Variants in ZFAND3 observed in about 807,000 individuals in gnomAD.
ZFAND3 encodes the protein zinc finger AN1-type containing 3, also known as AN1-type zinc finger protein 3.
Under a neutral mutation model 29.6 loss-of-function variants are expected in ZFAND3, and 10 were observed. The ratio of observed to expected loss-of-function variants is 0.34; its 90% CI spans 0.21 to 0.57. The LOEUF (loss-of-function observed/expected upper bound fraction) is 0.57. ZFAND3 is among the 20% of genes least tolerant of loss of function. ZFAND3 has a pLI of 0.86. For missense variants in ZFAND3, 230 were observed against 304.5 expected, an observed-to-expected ratio of 0.76 and a Z score of 1.82; for synonymous variants, 128 against 112.6, an observed-to-expected ratio of 1.14 and a Z score of -0.87.
At chr6:37,945,275 C>T (rs1187642857) in intron 2 of ZFAND3, among the ~76,000 whole-genome samples, 1 of 152,204 alleles carries the variant, frequency 6.6e-6, no homozygotes, top group Admixed American at 6.5e-5. Flanking sequence ...TTCTTTTCCC[C>T]TTCAACCACC....
At position 37,819,950 on chromosome 6, in the gene ZFAND3, G is replaced by A; in HGVS notation, c.5G>A (p.Gly2Glu). Residue 2 changes from glycine (G) to glutamate (E), a missense_variant, in exon 1 of 6, where the codon GGA (glycine) becomes GAA (glutamate). Transcript: ENST00000287218. ...GCTCCGCCGCCGCCGAGCACCATGG[G>A]AGACGCTGGGAGCGAGCGCAGCAAA... M[G>E]DAGSERSKAP... is the part of the protein sequence containing the mutation. 8.2e-7 allele frequency: 1 copy of A among 1,215,302 alleles called. No individual in the cohort carries two copies. Among genetic ancestry groups the A allele is most frequent in the Non-Finnish European group, 1.0e-6 (1 of 977,362 alleles). The allele number at this position is 1,215,302 out of a possible 1,614,324, so 75.3% of individuals were successfully genotyped here.
Position 38,154,287 on chromosome 6 carries a change from C to G in ZFAND3, c.*1898C>G, listed in dbSNP as rs569284281. On this transcript the variant is annotated 3_prime_UTR_variant, in exon 6 of 6. Coordinates refer to ENST00000287218, the MANE Select transcript of ZFAND3 (RefSeq NM_021943.3). ...CCAGGGCCCCCCGCCCCCTCCTCTGCCTGCTGCGTGGAGGCAGCCATGGGA... is the reference window on the plus strand; with the variant it reads ...CCAGGGCCCCCCGCCCCCTCCTCTGGCTGCTGCGTGGAGGCAGCCATGGGA... 1 of 985,340 alleles carries G rather than the reference C, an allele frequency of 1.0e-6. No individual in the cohort carries two copies. Among genetic ancestry groups the G allele is most frequent in the South Asian group, 4.7e-5 (1 of 21,294 alleles). The allele number at this position is 985,340 out of a possible 1,614,324, so 61.0% of individuals were successfully genotyped here. A position where few individuals can be genotyped will look rare whatever the true frequency, so the allele number is the denominator to read the frequency against.
At chr6:38,053,007 C>G (rs1191015903) in intron 2 of ZFAND3, among the ~76,000 whole-genome samples, 1 of 149,882 alleles carries the variant, frequency 6.7e-6, no homozygotes, top group East Asian at 2.0e-4. Flanking sequence ...GCACTCTAGC[C>G]TGGGCGACAG....
chr6:38,016,134 A>G (rs575930954), intron 2 of ZFAND3, among the ~76,000 whole-genome samples: 2 of 152,180 alleles, frequency 1.3e-5, no homozygotes, highest in East Asian at 3.9e-4. Context: ...TTTGGAGTCA[A>G]ATATACCTGG....
At chr6:38,109,941 C>T (rs1044366433) in intron 4 of ZFAND3, among the ~76,000 whole-genome samples, 6 of 152,154 alleles carry the variant, frequency 3.9e-5, no homozygotes, top group African/African-American at 1.4e-4. Context: ...GACCTCAAAG[C>T]TCAGGTGCAC....
chr6:37,826,935 T>C (rs1166330341), intron 1 of ZFAND3, among the ~76,000 whole-genome samples: 1 of 152,194 alleles, frequency 6.6e-6, no homozygotes, highest in Non-Finnish European at 1.5e-5. Context: ...GTGATTACCC[T>C]ATTGAGGAAC....
chr6:38,049,150 G>C (rs751566419), intron 2 of ZFAND3, among the ~76,000 whole-genome samples: 2 of 152,092 alleles, frequency 1.3e-5, no homozygotes, highest in Non-Finnish European at 2.9e-5. Context: ...GAAAACTTTC[G>C]TATTTGTATC....
At chr6:38,046,696 A>G (rs1763910437) in intron 2 of ZFAND3, among the ~76,000 whole-genome samples, 2 of 152,168 alleles carry the variant, frequency 1.3e-5, no homozygotes, top group Non-Finnish European at 2.9e-5. Context: ...GATAAAACCA[A>G]CATGTCGTGG....
In ZFAND3 at chr6:37,953,058, T is replaced by C. The variant is rs574042617; in HGVS notation, c.112+23059T>C. 4.6e-5 allele frequency among the ~76,000 whole-genome samples: 7 copies of C among 152,222 alleles called. No homozygotes were observed. In the East Asian group the frequency reaches 9.7e-4, roughly 21 times the overall value. On this transcript the variant is annotated intron_variant, in intron 2 of 5. Transcript: ENST00000287218. ...TTCTTGTAGGAAGTAGGTAGTTGAG[T>C]GTTGCTTTGACGTGTACTACAAGTC...
At chr6:37,891,517 T>G (rs1345298139) in intron 1 of ZFAND3, among the ~76,000 whole-genome samples, 2 of 149,674 alleles carry the variant, frequency 1.3e-5, no homozygotes, top group East Asian at 4.0e-4. Context: ...GAGAATCACT[T>G]GAACCTGGGA....
intron 1 of ZFAND3, among the ~76,000 whole-genome samples, chr6:37,826,430 T>G (rs1266245242): frequency 2.0e-5 from 3 of 152,170 alleles, no homozygotes; most frequent in Admixed American, 1.3e-4. Context: ...GTAAGTGTCA[T>G]ATGCAGAAAA....
chr6:37,860,306 A>C (rs1764462373), intron 1 of ZFAND3, among the ~76,000 whole-genome samples: 1 of 151,708 alleles, frequency 6.6e-6, no homozygotes, highest in African/African-American at 2.4e-5. Context: ...TTTAAAATGC[A>C]TGGCCTCCAG....
intron 2 of ZFAND3, among the ~76,000 whole-genome samples, chr6:37,947,658 A>G (rs915060460): frequency 1.3e-5 from 2 of 152,176 alleles, no homozygotes; most frequent in African/African-American, 2.4e-5. Context: ...CTGCTGTTTC[A>G]TCTAAATTTA....
At chr6:37,911,318 C>A (rs951473337) in intron 1 of ZFAND3, among the ~76,000 whole-genome samples, 1 of 152,026 alleles carries the variant, frequency 6.6e-6, no homozygotes, top group African/African-American at 2.4e-5. Flanking sequence ...TTTTGTGTAC[C>A]TGTTAGCTAT....
chr6:37,823,223 G>A (rs561773842), intron 1 of ZFAND3, among the ~76,000 whole-genome samples: 230 of 152,258 alleles, frequency 1.5e-3, no homozygotes, highest in African/African-American at 5.2e-3. Context: ...GGAGAATAGA[G>A]CGAAGTACAT....
At chr6:38,014,733 C>A (rs1215954268) in intron 2 of ZFAND3, among the ~76,000 whole-genome samples, 1 of 152,164 alleles carries the variant, frequency 6.6e-6, no homozygotes, top group African/African-American at 2.4e-5. Flanking sequence ...TCCTCTTTCT[C>A]CTGGCGGATG....
At chr6:38,088,955 T>C (rs909708315) in intron 4 of ZFAND3, among the ~76,000 whole-genome samples, 25 of 152,130 alleles carry the variant, frequency 1.6e-4, no homozygotes, top group Non-Finnish European at 5.9e-5. Flanking sequence ...AGCATGTTAA[T>C]TCAATTTTAC....
chr6:38,032,066 C>T (rs552475531), intron 2 of ZFAND3, among the ~76,000 whole-genome samples: 1 of 152,208 alleles, frequency 6.6e-6, no homozygotes, highest in South Asian at 2.1e-4. Context: ...CTCCTGTGCT[C>T]AAGTGATCCT....
intron 1 of ZFAND3, among the ~76,000 whole-genome samples, chr6:37,894,758 A>G (rs1284921133): frequency 3.9e-5 from 6 of 152,280 alleles, no homozygotes; most frequent in African/African-American, 9.6e-5. Flanking sequence ...CGTTTTTGAA[A>G]TATATTTTTG....
Sources: allele counts gnomAD v4.1 joint callset (sites outside exome capture counted in the v4.1 genomes callset), GRCh38; gene constraint gnomAD v4.1.1; transcripts MANE v1.5; gene names NCBI Gene and HGNC (gene_info 2026-07-23, HGNC 2026-07-21).